Variants in FAT3 observed in about 807,000 individuals in gnomAD.
FAT3 encodes the protein FAT atypical cadherin 3, also known as protocadherin Fat 3.
FAT3 carries 95 observed loss-of-function variants against 310.2 expected under a neutral mutation model. The observed-to-expected ratio is 0.31, with a 90% CI of 0.26 to 0.36. The LOEUF (loss-of-function observed/expected upper bound fraction) is 0.36. FAT3 is among the 10% of genes least tolerant of loss of function. The pLI is 1.00. For missense variants in FAT3, 5,408 were observed against 5,715.6 expected (o/e 0.95, Z 1.74); for synonymous variants, 2,314 against 2,192.9 (o/e 1.06, Z -1.54).
At position 92,357,075 on chromosome 11, in the gene FAT3, A is replaced by G. The variant is rs1411736560; in HGVS notation, c.3292+1671A>G. ...TATGTATTCCTTATAATTTAGTTGG[A>G]ATATATTTCTGCCTTTTAAGCACAA... On this transcript the variant is annotated intron_variant, in intron 2 of 27. Transcript: ENST00000525166. Among the ~76,000 whole-genome samples, 4 of 152,176 alleles carry G rather than the reference A, an allele frequency of 2.6e-5. No individual in the cohort carries two copies. In the South Asian group the frequency reaches 6.2e-4, roughly 24 times the overall value.
chr11:92,276,703 T>A (rs1946283688), intron 1 of FAT3, among the ~76,000 whole-genome samples: 1 of 152,142 alleles, frequency 6.6e-6, no homozygotes, highest in Non-Finnish European at 1.5e-5. Flanking sequence ...TTAGACCTAC[T>A]GTTTGAAGCA....
chr11:92,824,093 A>G (rs1948040412), intron 13 of FAT3, among the ~76,000 whole-genome samples: 1 of 152,132 alleles, frequency 6.6e-6, no homozygotes, highest in South Asian at 2.1e-4. Flanking sequence ...GTGGTGGCTC[A>G]CCCCTGTAAT....
intron 3 of FAT3, among the ~76,000 whole-genome samples, chr11:92,657,204 T>C (rs186458729): frequency 5.9e-5 from 9 of 152,304 alleles, no homozygotes; most frequent in East Asian, 3.9e-4. Flanking sequence ...CAGAATGGGA[T>C]TGGGCTGATC....
Position 92,366,726 on chromosome 11 carries a change from T to C in FAT3, c.3292+11322T>C, listed in dbSNP as rs536266830. 496 of 536,024 alleles carry C rather than the reference T, an allele frequency of 9.3e-4. 5 individuals are homozygous for C. Among genetic ancestry groups the C allele is most frequent in the South Asian group, 6.7e-3 (479 of 71,838 alleles). 33.2% of individuals were successfully genotyped at this position (536,024 alleles called of 1,614,324 possible). ...GCAATCAGTACTCATTTCCCCTCCT[T>C]GATCTGGGGAGCTATTTCTTCATTC... On this transcript the variant is annotated intron_variant, in intron 2 of 27. Transcript: ENST00000525166.
intron 3 of FAT3, among the ~76,000 whole-genome samples, chr11:92,612,406 A>G (rs1057244535): frequency 6.6e-6 from 1 of 152,238 alleles, no homozygotes; most frequent in Admixed American, 6.5e-5. Flanking sequence ...TGGAGAATTC[A>G]GCAGGACTTA....
At chr11:92,587,794 G>T (rs1939228451) in intron 3 of FAT3, among the ~76,000 whole-genome samples, 1 of 151,808 alleles carries the variant, frequency 6.6e-6, no homozygotes, top group Non-Finnish European at 1.5e-5. Flanking sequence ...AGAAATGTTT[G>T]GTCCTTCCTG....
intron 3 of FAT3, among the ~76,000 whole-genome samples, chr11:92,564,022 A>C (rs1955337777): frequency 6.6e-6 from 1 of 152,134 alleles, no homozygotes; most frequent in Non-Finnish European, 1.5e-5. Context: ...ACAAGATCAA[A>C]TTCACACATA....
Position 92,391,613 on chromosome 11 carries a change from T to C in FAT3, c.3292+36209T>C, listed in dbSNP as rs1247723079. Among the ~76,000 whole-genome samples, 3 of 152,222 alleles carry C rather than the reference T, an allele frequency of 2.0e-5. No homozygotes were observed. The East Asian group carries it at 5.8e-4, about 29-fold the overall frequency. On this transcript the variant is annotated intron_variant, in intron 2 of 27. Transcript: ENST00000525166. ...GTGTATTCTTAAGTGTGGGTCCTTA[T>C]TATTTGTATGTAGTTTGCATCTGTA...
intron 13 of FAT3, among the ~76,000 whole-genome samples, chr11:92,813,169 G>T (rs906182522): frequency 6.6e-6 from 1 of 152,094 alleles, no homozygotes; most frequent in African/African-American, 2.4e-5. Context: ...CCAGTCTCCG[G>T]TATATCTTTA....
At chr11:92,665,189 A>G (rs1942911778) in intron 3 of FAT3, among the ~76,000 whole-genome samples, 1 of 152,098 alleles carries the variant, frequency 6.6e-6, no homozygotes, top group Admixed American at 6.6e-5. Context: ...TTCCTTCAGA[A>G]CCTCCCACAA....
At chr11:92,877,391 A>G (rs944306705) in intron 22 of FAT3, among the ~76,000 whole-genome samples, 4 of 152,118 alleles carry the variant, frequency 2.6e-5, no homozygotes, top group Admixed American at 6.5e-5. Context: ...TGTTCCCCCA[A>G]TGCTGTGACG....
chr11:92,760,340 AT>A lies in FAT3; in HGVS notation c.3670-1511del, dbSNP rs1470572518. ...AAAAGGCTTTAATGTGTTTTCCCAC[AT>A]TTTTGGCCTTTGTTTCAGTTATACC... On this transcript the variant is annotated intron_variant, in intron 4 of 27. Transcript: ENST00000525166. Among the ~76,000 whole-genome samples, 7 of 152,314 alleles carry A rather than the reference AT, an allele frequency of 4.6e-5. No individual in the cohort carries two copies. The East Asian group carries it at 7.7e-4, about 17-fold the overall frequency.
At position 92,396,023 on chromosome 11, in the gene FAT3, C is replaced by T. The variant is rs569397991; in HGVS notation, c.3292+40619C>T. Among the ~76,000 whole-genome samples, 19 of 152,210 alleles carry T rather than the reference C, an allele frequency of 1.2e-4. 1 individual carries two copies. The South Asian group carries it at 2.7e-3, about 22-fold the overall frequency. ...AGAAATTAGTGTTTTACCCTGTCTC[C>T]TCTCCCCTACAGCCACTTCACTCTA... is the stretch of plus-strand genomic sequence containing the variant. On this transcript the variant is annotated intron_variant, in intron 2 of 27. Coordinates refer to ENST00000525166, the MANE Select transcript of FAT3 (RefSeq NM_001367949.2).
At chr11:92,694,454 T>C (rs1181453470) in intron 3 of FAT3, among the ~76,000 whole-genome samples, 1 of 152,228 alleles carries the variant, frequency 6.6e-6, no homozygotes, top group Non-Finnish European at 1.5e-5. Context: ...TCTCTCTCTG[T>C]TGGCTGATCA....
In FAT3 at chr11:92,743,947, C is replaced by T. The variant is rs150977348; in HGVS notation, c.3670-17909C>T. Reference sequence around the variant, plus strand: ...GTCCCACCAGGAAGAAGGCTCCTACCAGATGCATCCCTCAACCTTGGACTT... The same window carrying T: ...GTCCCACCAGGAAGAAGGCTCCTACTAGATGCATCCCTCAACCTTGGACTT... On this transcript the variant is annotated intron_variant, in intron 4 of 27. Coordinates refer to ENST00000525166, the MANE Select transcript of FAT3 (RefSeq NM_001367949.2). 6.9e-3 allele frequency among the ~76,000 whole-genome samples: 1,057 copies of T among 152,274 alleles called. 12 individuals are homozygous for T. Among genetic ancestry groups the T allele is most frequent in the African/African-American group, 0.024 (996 of 41,554 alleles).
intron 3 of FAT3, among the ~76,000 whole-genome samples, chr11:92,694,832 C>T (rs902461068): frequency 6.6e-6 from 1 of 152,194 alleles, no homozygotes; most frequent in Non-Finnish European, 1.5e-5. Flanking sequence ...AGCCCACACA[C>T]AGGAGAGGGG....
chr11:92,325,318 G>T (rs1048593589), intron 1 of FAT3, among the ~76,000 whole-genome samples: 1 of 152,124 alleles, frequency 6.6e-6, no homozygotes. Context: ...TTTTTGCTGA[G>T]AAAGTGTAGA....
rs1947312086 is a variant in FAT3, at chr11:92,800,604, A to G, written c.7591A>G (p.Ile2531Val). The change falls in exon 10 of 28, where the codon ATC becomes GTC. Residue 2531 changes from isoleucine (I) to valine (V), a missense_variant. Physicochemically the swap from Ile to Val is conservative, Grantham distance 29. Around this residue, in one of 5 missense-constraint regions of FAT3, gnomAD observed 4,588 missense variants for 4,809.8 expected, o/e 0.95. Coordinates refer to ENST00000525166, the MANE Select transcript of FAT3 (RefSeq NM_001367949.2). The part of the protein sequence containing the change: ...TDGDPGTYGQ[I>V]SYAIINDFAK... ...TGGTGATCCAGGGACTTATGGGCAG[A>G]TCAGCTATGCCATCATCAATGACTT... 1 of 1,613,670 alleles carries G rather than the reference A, an allele frequency of 6.2e-7. No individual in the cohort carries two copies. Among genetic ancestry groups the G allele is most frequent in the Admixed American group, 1.7e-5 (1 of 59,966 alleles).
At chr11:92,868,711 A>C (rs1049319353) in intron 22 of FAT3, among the ~76,000 whole-genome samples, 1 of 152,188 alleles carries the variant, frequency 6.6e-6, no homozygotes, top group Non-Finnish European at 1.5e-5. Flanking sequence ...TCCACAATGG[A>C]TTATCTTTAA....
Sources: gnomAD v4.1 joint callset for allele counts (sites outside exome capture counted in the v4.1 genomes callset) on GRCh38, gnomAD v4.1.1 for gene constraint, gnomAD v4.1.1 regional missense constraint, MANE v1.5 for transcripts, NCBI Gene and HGNC (gene_info 2026-07-23, HGNC 2026-07-21) for gene names.